EPHB2: variants seen among roughly 807,000 people sequenced by gnomAD.
EPHB2 encodes the protein EPH receptor B2, also known as ephrin type-B receptor 2.
EPHB2 carries 18 observed loss-of-function variants against 96.4 expected under a neutral mutation model. The observed-to-expected ratio is 0.19, with a 90% confidence interval of 0.13 to 0.28. The LOEUF (loss-of-function observed/expected upper bound fraction) is 0.28, where lower values mean the gene tolerates loss of function less well. Ranked by LOEUF, EPHB2 falls within the 10% of genes least tolerant of loss-of-function variation. The pLI, the probability that EPHB2 is intolerant of heterozygous loss-of-function variation, is 1.00. For missense variants in EPHB2, 989 were observed against 1,355.4 expected (o/e 0.73, Z 4.25); for synonymous variants, 506 against 534.1 (o/e 0.95, Z 0.72).
rs1638814171 is a variant in EPHB2 at position 22,875,611 on chromosome 1, T to C, written c.1304-6748T>C. 1.3e-5 allele frequency among the ~76,000 whole-genome samples: 2 copies of C among 152,124 alleles called. No individual in the cohort carries two copies. Among genetic ancestry groups the C allele is most frequent in the Non-Finnish European group, 2.9e-5 (2 of 68,024 alleles). On this transcript the variant is annotated intron_variant, in intron 5 of 15. Transcript: ENST00000374630. This position sits in a 1 kb window ranked among gnomAD's most constrained non-coding sequence, Gnocchi z 4.2. ...GGTCCCCGCTTTTCCCTTTCTCCCT[T>C]CCTTCCTCCTTCCTTCCTCACTTTC...
chr1:22,909,213 A>G (rs1570469613), intron 13 of EPHB2, 42 bp downstream of exon 13: 1 of 1,613,926 alleles, frequency 6.2e-7, no homozygotes, highest in Non-Finnish European at 8.5e-7. Flanking sequence ...CTGGCCCACC[A>G]GATGGGAGAG....
intron 15 of EPHB2, 35 bp downstream of exon 15, chr1:22,912,634 C>T (rs1306017797): frequency 6.2e-7 from 1 of 1,610,966 alleles, no homozygotes; most frequent in Admixed American, 1.7e-5. Context: ...GTCACCTTAG[C>T]ACCCCCTCTC....
chr1:22,853,901 G>A (rs1035668607), intron 3 of EPHB2, among the ~76,000 whole-genome samples: 1 of 152,244 alleles, frequency 6.6e-6, no homozygotes, highest in African/African-American at 2.4e-5. Context: ...AGGCCTGGGT[G>A]CCCCCTTGGG....
chr1:22,894,865 G>A (rs1298182388), intron 7 of EPHB2, among the ~76,000 whole-genome samples: 2 of 152,114 alleles, frequency 1.3e-5, no homozygotes, highest in African/African-American at 4.8e-5. Context: ...TCCGAGATAC[G>A]TAACATACTT....
Position 22,860,444 on chromosome 1 carries a change from G to A in EPHB2, c.812-2593G>A, listed in dbSNP as rs1013794702. Among the ~76,000 whole-genome samples the A allele has an allele frequency of 1.3e-4, 20 of 152,098 alleles. No homozygotes were observed. The highest frequency in any genetic ancestry group is 2.1e-4 in the South Asian group (1 of 4,822). On this transcript the variant is annotated intron_variant, in intron 3 of 15. Coordinates refer to ENST00000374630, the MANE Select transcript of EPHB2 (RefSeq NM_017449.5). The surrounding 1 kb of genome is among the most constrained non-coding windows in gnomAD (Gnocchi z 4.6). ...GATACAGTGCCCGGTGGTGGGGGTC[G>A]AACCTGGCCAGGCAACAGAGCAAAT...
chr1:22,896,316 C>A, intron 8 of EPHB2, 98 bp from the exon 9 acceptor site: 1 of 1,517,840 alleles, frequency 6.6e-7, no homozygotes, highest in Non-Finnish European at 9.1e-7. Context: ...AGGGGTGTGG[C>A]TTCTAGGGCC....
chr1:22,911,532 T>C (rs940981650), intron 14 of EPHB2, among the ~76,000 whole-genome samples: 1 of 152,166 alleles, frequency 6.6e-6, no homozygotes, highest in Admixed American at 6.5e-5. Flanking sequence ...GGGTGTTCAC[T>C]TGGGGACCTG....
chr1:22,909,245 T>G, intron 13 of EPHB2, 74 bp downstream of exon 13: 1 of 1,608,628 alleles, frequency 6.2e-7, no homozygotes, highest in East Asian at 2.2e-5. Flanking sequence ...GCTCCTGGCC[T>G]TGTGCCAGTC....
intron 3 of EPHB2, among the ~76,000 whole-genome samples, chr1:22,842,977 G>A (rs1322437878): frequency 1.3e-5 from 2 of 152,092 alleles, no homozygotes; most frequent in Non-Finnish European, 2.9e-5. Context: ...TCTAATACCT[G>A]TTTATTTTTC....
At chr1:22,898,716 G>A (rs1639650517) in intron 9 of EPHB2, among the ~76,000 whole-genome samples, 1 of 152,170 alleles carries the variant, frequency 6.6e-6, no homozygotes, top group African/African-American at 2.4e-5. Flanking sequence ...AAGAATCCAG[G>A]GAAGACATGA....
At chr1:22,737,149 A>G (rs1050245853) in intron 1 of EPHB2, among the ~76,000 whole-genome samples, 9 of 151,702 alleles carry the variant, frequency 5.9e-5, no homozygotes, top group Admixed American at 2.6e-4. Context: ...CCTCCCTCTC[A>G]CCCTGGCCAT....
At chr1:22,820,271 T>G (rs1331488440) in intron 3 of EPHB2, among the ~76,000 whole-genome samples, 1 of 152,160 alleles carries the variant, frequency 6.6e-6, no homozygotes, top group Non-Finnish European at 1.5e-5. Flanking sequence ...TGAAGATGGT[T>G]CCCCTGAAAG....
chr1:22,866,719 A>C (rs1638491187), intron 5 of EPHB2, among the ~76,000 whole-genome samples: 2 of 152,112 alleles, frequency 1.3e-5, no homozygotes, highest in African/African-American at 4.8e-5. Flanking sequence ...GGATCACCTG[A>C]GGTCAAGAGT....
rs748539918 is a variant in EPHB2 at position 22,882,372 on chromosome 1, G to A, written c.1317G>A (p.Val439=). The A allele has an allele frequency of 1.2e-6, 2 of 1,614,022 alleles. No homozygotes were observed. Among genetic ancestry groups the A allele is most frequent in the Non-Finnish European group, 1.7e-6 (2 of 1,179,994 alleles). Reference sequence around the variant, plus strand: ...CCTCTCTTCCAGCTCCATCGGCAGTGTCCATCATGCATCAGGTGAGCCGCA... The same window carrying A: ...CCTCTCTTCCAGCTCCATCGGCAGTATCCATCATGCATCAGGTGAGCCGCA... ...ITTNQAAPSA[V]SIMHQVSRTV... is the part of the protein sequence containing the mutation. Residue 439 remains valine (V), a synonymous_variant, in exon 6 of 16, where the codon GTG becomes GTA. Transcript: ENST00000374630.
intron 3 of EPHB2, among the ~76,000 whole-genome samples, chr1:22,807,297 T>C (rs976930309): frequency 2.0e-5 from 3 of 152,212 alleles, no homozygotes; most frequent in Admixed American, 6.5e-5. Flanking sequence ...ATGGCTTTTA[T>C]TGAGCACCTG....
rs2148541077 is a variant in EPHB2, at chr1:22,875,435, A to C, written c.1304-6924A>C. The stretch of plus-strand genomic sequence containing the variant: ...CCCCACGTCACTGCAGCAGTTCCCA[A>C]CTGTGGGTGGGCACAGGGCCTGGGG... On this transcript the variant is annotated intron_variant, in intron 5 of 15. Coordinates refer to ENST00000374630, the MANE Select transcript of EPHB2 (RefSeq NM_017449.5). This position sits in a 1 kb window ranked among gnomAD's most constrained non-coding sequence, Gnocchi z 4.2. Among the ~76,000 whole-genome samples, 1 of 152,296 alleles carries C rather than the reference A, an allele frequency of 6.6e-6. No individual in the cohort carries two copies. The highest frequency in any genetic ancestry group is 6.5e-5 in the Admixed American group (1 of 15,304).
intron 1 of EPHB2, among the ~76,000 whole-genome samples, chr1:22,716,141 C>A (rs892395699): frequency 6.6e-6 from 1 of 152,198 alleles, no homozygotes. Context: ...TTCTCCAGAG[C>A]CCCATCAGGG....
At chr1:22,900,178 C>T (rs980832326) in intron 9 of EPHB2, among the ~76,000 whole-genome samples, 9 of 150,352 alleles carry the variant, frequency 6.0e-5, no homozygotes, top group Non-Finnish European at 1.0e-4. Context: ...CCTGTAATCC[C>T]AGCTACTCAG....
chr1:22,781,565 A>G, intron 2 of EPHB2, 80 bp downstream of exon 2: 2 of 1,423,668 alleles, frequency 1.4e-6, no homozygotes, highest in Admixed American at 1.8e-5. Context: ...GCCCCCTCAT[A>G]TTCTAACCCC....
Sources: allele counts gnomAD v4.1 joint callset (sites outside exome capture counted in the v4.1 genomes callset), GRCh38; gene constraint gnomAD v4.1.1; non-coding constraint Gnocchi (gnomAD v3.1); transcripts MANE v1.5; gene names NCBI Gene and HGNC (gene_info 2026-07-23, HGNC 2026-07-21).